Variants in ZNF500 observed in about 807,000 individuals in gnomAD.
The protein encoded by ZNF500 is zinc finger protein with KRAB and SCAN domains 18.
A neutral mutation model predicts 30.1 loss-of-function variants in ZNF500; 31 were observed. The observed-to-expected ratio is 1.03, with a 90% CI of 0.77 to 1.39. ZNF500 has a LOEUF of 1.39. Among genes scored for constraint, ZNF500 ranks in the 40% most tolerant of loss-of-function variants. The pLI is 0.00. For synonymous variants in ZNF500, 392 were observed against 282.0 expected, an observed-to-expected ratio of 1.39 and a Z score of -3.91; for missense variants, 817 against 657.8, an observed-to-expected ratio of 1.24 and a Z score of -2.65.
chr16:4,761,900 A>G (rs1467864737), intron 4 of ZNF500, among the ~76,000 whole-genome samples: 1 of 151,998 alleles, frequency 6.6e-6, no homozygotes, highest in Non-Finnish European at 1.5e-5. Flanking sequence ...CCCCAAAAAA[A>G]CCAGCAAGCA....
chr16:4,746,525 G>C (rs201411579), downstream of ZNF500: 87 of 1,611,218 alleles, frequency 5.4e-5, no homozygotes, highest in Non-Finnish European at 6.2e-5. Context: ...CCGGAGGGCA[G>C]TGACTACCCC....
chr16:4,746,989 A>C (rs777715570), downstream of ZNF500: 1 of 1,543,420 alleles, frequency 6.5e-7, no homozygotes. Flanking sequence ...GCTCTGGGAG[A>C]CGCAGAGGGG....
In ZNF500 at chr16:4,751,552, T is replaced by G; in HGVS notation, c.*824A>C. ...GCTCCATTTGGAAACTCTGGCAGGATGAAGAAGCTGGAGACCACGTCCTGG... is the reference window on the plus strand; with the variant it reads ...GCTCCATTTGGAAACTCTGGCAGGAGGAAGAAGCTGGAGACCACGTCCTGG... On this transcript the variant is annotated 3_prime_UTR_variant, in exon 6 of 6. Transcript: ENST00000219478. 5 of 1,530,142 alleles carry G rather than the reference T, an allele frequency of 3.3e-6. No individual in the cohort carries two copies. Among genetic ancestry groups the G allele is most frequent in the Non-Finnish European group, 4.4e-6 (5 of 1,145,104 alleles). The allele number at this position is 1,530,142 out of a possible 1,614,324, so 94.8% of individuals were successfully genotyped here.
Position 4,765,721 on chromosome 16 carries a change from C to CT in ZNF500, c.257dup (p.Glu87GlyfsTer33). The CT allele has an allele frequency of 1.2e-6, 2 of 1,613,542 alleles. No individual in the cohort carries two copies. Among genetic ancestry groups the CT allele is most frequent in the Non-Finnish European group, 1.7e-6 (2 of 1,179,976 alleles). ...GCACCAGCAGCTCCAGGATCTGCTC[C>CT]TTGGTGCGCAGCTCCGGCCGCAGCC... On this transcript the variant is annotated frameshift_variant, in exon 2 of 6. Coordinates refer to ENST00000219478, the MANE Select transcript of ZNF500 (RefSeq NM_021646.4). LOFTEE classifies it high-confidence loss of function.
rs781394906 is a variant in ZNF500, at chr16:4,751,503, G to C, written c.*873C>G. The C allele has an allele frequency of 4.2e-6, 6 of 1,428,370 alleles. No homozygotes were observed. The highest frequency in any genetic ancestry group is 5.6e-6 in the Non-Finnish European group (6 of 1,068,588). The allele number at this position is 1,428,370 out of a possible 1,614,324, so 88.5% of individuals were successfully genotyped here. A position where few individuals can be genotyped will look rare whatever the true frequency, so the allele number is the denominator to read the frequency against. On this transcript the variant is annotated 3_prime_UTR_variant, in exon 6 of 6. Coordinates refer to ENST00000219478, the MANE Select transcript of ZNF500 (RefSeq NM_021646.4). ...AGAGCAGCTATGGATCTGCAAAGGG[G>C]ACTGGAATGCTGCAGAGCCCCGGGC...
downstream of ZNF500, chr16:4,747,212 T>C: frequency 1.6e-6 from 2 of 1,282,178 alleles, no homozygotes; most frequent in South Asian, 2.9e-5. Flanking sequence ...GCAGCAGTGA[T>C]GGGCTGCCTG....
intron 5 of ZNF500, chr16:4,756,551 T>G (rs569602301): frequency 6.6e-6 from 1 of 151,936 alleles, no homozygotes; most frequent in East Asian, 1.9e-4. Flanking sequence ...CAAAAAATTT[T>G]TGTCGCCCAG....
downstream of ZNF500, chr16:4,744,876 T>C: frequency 4.3e-6 from 7 of 1,612,650 alleles, no homozygotes; most frequent in Non-Finnish European, 5.9e-6. Flanking sequence ...TCAGACCGCA[T>C]GGTGCCGAGC....
intron 5 of ZNF500, among the ~76,000 whole-genome samples, chr16:4,754,272 A>T (rs1304720510): frequency 2.0e-5 from 3 of 152,088 alleles, no homozygotes; most frequent in African/African-American, 7.2e-5. Context: ...TCCTGGGCGA[A>T]TCCTTCTTGC....
downstream of ZNF500, chr16:4,744,952 T>G: frequency 6.2e-7 from 1 of 1,613,902 alleles, no homozygotes; most frequent in Non-Finnish European, 8.5e-7. Flanking sequence ...CCTCTGCTTG[T>G]GCCCGGAAGG....
At chr16:4,760,365 C>A (rs530957098) in intron 5 of ZNF500, 127 bp downstream of exon 5, 1 of 799,768 alleles carries the variant, frequency 1.3e-6, no homozygotes, top group Non-Finnish European at 2.0e-6. Context: ...TGCAGGGATA[C>A]GGGTAGCCCT....
chr16:4,766,182 G>A, intron 1 of ZNF500, 106 bp from the exon 2 acceptor site: 1 of 487,240 alleles, frequency 2.1e-6, no homozygotes, highest in Non-Finnish European at 3.5e-6. Flanking sequence ...ACCCCACCAT[G>A]GAAAAGGAAA....
chr16:4,762,518 C>T (rs749504280), intron 3 of ZNF500, 55 bp downstream of exon 3: 102 of 1,556,204 alleles, frequency 6.6e-5, no homozygotes, highest in Non-Finnish European at 8.6e-5. Context: ...ACCCCAGTCA[C>T]CTTCACCTCC....
In ZNF500 at chr16:4,751,290, G is replaced by A; in HGVS notation, c.*1086C>T. The A allele has an allele frequency of 2.6e-6, 1 of 387,758 alleles. No individual in the cohort carries two copies. Among genetic ancestry groups the A allele is most frequent in the South Asian group, 3.1e-5 (1 of 32,646 alleles). 24.0% of individuals were successfully genotyped at this position (387,758 alleles called of 1,614,324 possible). A position where few individuals can be genotyped will look rare whatever the true frequency, so the allele number is the denominator to read the frequency against. ...GCCAGACAAAAGCTGGAAGGTGAAG[G>A]CTTCTTACCTTAGAAAGACAAAGTG... is the stretch of plus-strand genomic sequence containing the variant. On this transcript the variant is annotated 3_prime_UTR_variant, in exon 6 of 6. Coordinates refer to ENST00000219478, the MANE Select transcript of ZNF500 (RefSeq NM_021646.4).
Position 4,751,862 on chromosome 16 carries a change from C to A in ZNF500, c.*514G>T. ...ATTCGAGGCTGCAGTGAGCTATGAT[C>A]ATGGCACTGTATTCCCGCCTGGGGG... On this transcript the variant is annotated 3_prime_UTR_variant, in exon 6 of 6. Transcript: ENST00000219478. The A allele has an allele frequency of 4.3e-6, 2 of 467,846 alleles. No individual in the cohort carries two copies. The highest frequency in any genetic ancestry group is 2.7e-5 in the South Asian group (1 of 37,230). The allele number at this position is 467,846 out of a possible 1,614,324, so 29.0% of individuals were successfully genotyped here.
At position 4,751,534 on chromosome 16, in the gene ZNF500, T is replaced by G; in HGVS notation, c.*842A>C. ...AATGCTGCAGAGCCCCGGGCTCCATTTGGAAACTCTGGCAGGATGAAGAAG... is the reference window on the plus strand; with the variant it reads ...AATGCTGCAGAGCCCCGGGCTCCATGTGGAAACTCTGGCAGGATGAAGAAG... On this transcript the variant is annotated 3_prime_UTR_variant, in exon 6 of 6. Transcript: ENST00000219478. 2 of 1,523,778 alleles carry G rather than the reference T, an allele frequency of 1.3e-6. No homozygotes were observed. The highest frequency in any genetic ancestry group is 1.8e-6 in the Non-Finnish European group (2 of 1,141,626). 94.4% of individuals were successfully genotyped at this position (1,523,778 alleles called of 1,614,324 possible). A position where few individuals can be genotyped will look rare whatever the true frequency, so the allele number is the denominator to read the frequency against.
At chr16:4,745,945 T>G (rs1406105081), downstream of ZNF500, among the ~76,000 whole-genome samples, 1 of 125,318 alleles carries the variant, frequency 8.0e-6, no homozygotes, top group Non-Finnish European at 1.7e-5. Context: ...AGAGCAAGAC[T>G]CTGTCTCAAA....
downstream of ZNF500, chr16:4,744,786 C>A: frequency 6.7e-7 from 1 of 1,488,286 alleles, no homozygotes. Context: ...ATGTGGAGAC[C>A]CCAGGGGTCC....
chr16:4,762,455 G>A, intron 3 of ZNF500, 118 bp downstream of exon 3: 2 of 1,513,738 alleles, frequency 1.3e-6, no homozygotes, highest in Non-Finnish European at 1.8e-6. Context: ...CTCCTTGCTG[G>A]AGAGCCTGTG....
Sources: allele counts gnomAD v4.1 joint callset (sites outside exome capture counted in the v4.1 genomes callset), GRCh38; gene constraint gnomAD v4.1.1; transcripts MANE v1.5; gene names NCBI Gene and HGNC (gene_info 2026-07-23, HGNC 2026-07-21).